The following TBXAS1 variants were observed in gnomAD, a reference collection of about 807,000 sequenced individuals.
TBXAS1 encodes thromboxane A synthase 1.
In TBXAS1, 48 loss-of-function variants were observed where a neutral mutation model predicts 60.7. The ratio of observed to expected loss-of-function variants is 0.79; its 90% CI spans 0.63 to 1.01. The LOEUF is 1.01. Among genes scored for constraint, TBXAS1 ranks in the 50% least tolerant of loss-of-function variants. TBXAS1 has a pLI of 0.00. For missense variants in TBXAS1, 685 were observed against 686.3 expected (o/e 1.00, Z 0.02); for synonymous variants, 287 against 269.7 (o/e 1.06, Z -0.63).
At chr7:139,909,106 T>C (rs1279727161) in intron 3 of TBXAS1, among the ~76,000 whole-genome samples, 1 of 152,240 alleles carries the variant, frequency 6.6e-6, no homozygotes, top group Non-Finnish European at 1.5e-5. Flanking sequence ...TGTTTTTCTT[T>C]CTTTTTTAGT....
rs555238754 is a variant in TBXAS1, at chr7:139,877,540, A to C, written c.236+1903A>C. 2.7e-3 allele frequency among the ~76,000 whole-genome samples: 392 copies of C among 147,262 alleles called. 4 individuals carry two copies. Among genetic ancestry groups the C allele is most frequent in the Non-Finnish European group, 4.7e-3 (316 of 67,006 alleles). Reference sequence around the variant, plus strand: ...TGAGCTCAAGCGATGCTCCTGCCTCAGCCTCCTGGGCAGCTGGGATTACAG... The same window carrying C: ...TGAGCTCAAGCGATGCTCCTGCCTCCGCCTCCTGGGCAGCTGGGATTACAG... On this transcript the variant is annotated intron_variant, in intron 3 of 12. Transcript: ENST00000448866.
At chr7:140,001,221 A>G (rs1036436969) in intron 9 of TBXAS1, among the ~76,000 whole-genome samples, 5 of 152,246 alleles carry the variant, frequency 3.3e-5, no homozygotes, top group African/African-American at 9.6e-5. Context: ...CAGGAGGCAG[A>G]GAGAACCCTG....
At chr7:139,806,771 C>T (rs1255078380) in intron 4 of TBXAS1, among the ~76,000 whole-genome samples, 4 of 152,102 alleles carry the variant, frequency 2.6e-5, no homozygotes, top group Non-Finnish European at 5.9e-5. Flanking sequence ...CATCTGTCTG[C>T]ACCTTGATTC....
rs368337130 is a variant in TBXAS1 at position 139,954,341 on chromosome 7, C to T, written c.539+885C>T. 2.6e-5 allele frequency among the ~76,000 whole-genome samples: 4 copies of T among 152,326 alleles called. No individual in the cohort carries two copies. The East Asian group carries it at 5.8e-4, about 22-fold the overall frequency. ...ATGAGTTGGCTAAAGATAAGGTGGC[C>T]TCATCAGCTATAAAAGCAAAGTAAA... On this transcript the variant is annotated intron_variant, in intron 6 of 12. Coordinates refer to ENST00000448866, the MANE Select transcript of TBXAS1 (RefSeq NM_001061.7).
intron 4 of TBXAS1, among the ~76,000 whole-genome samples, chr7:139,820,608 C>G (rs1169099367): frequency 6.6e-6 from 1 of 152,094 alleles, no homozygotes; most frequent in African/African-American, 2.4e-5. Context: ...TCAAGTCACC[C>G]CACTTCATAA....
At chr7:139,786,849 A>C (rs1167962378) in intron 3 of TBXAS1, among the ~76,000 whole-genome samples, 1 of 152,160 alleles carries the variant, frequency 6.6e-6, no homozygotes, top group African/African-American at 2.4e-5. Flanking sequence ...GAGGTGGTCC[A>C]TTTCCTTTCC....
chr7:139,885,273 T>C (rs1474649223), intron 3 of TBXAS1, among the ~76,000 whole-genome samples: 3 of 152,228 alleles, frequency 2.0e-5, no homozygotes, highest in Non-Finnish European at 4.4e-5. Context: ...TCTGCACAGA[T>C]GTGTTCCCAA....
intron 5 of TBXAS1, among the ~76,000 whole-genome samples, chr7:139,944,477 A>T (rs1222428485): frequency 6.6e-6 from 1 of 152,198 alleles, no homozygotes; most frequent in African/African-American, 2.4e-5. Flanking sequence ...AAATACTTGA[A>T]AGTGAGGGAG....
intron 9 of TBXAS1, among the ~76,000 whole-genome samples, chr7:139,970,350 G>A (rs2117438319): frequency 6.6e-6 from 1 of 152,260 alleles, no homozygotes; most frequent in Non-Finnish European, 1.5e-5. Context: ...CAGGTGATCT[G>A]CCCGCCTCGG....
At chr7:139,881,626 C>T (rs1802708442) in intron 3 of TBXAS1, among the ~76,000 whole-genome samples, 2 of 152,060 alleles carry the variant, frequency 1.3e-5, no homozygotes, top group Non-Finnish European at 2.9e-5. Context: ...TTGGATGTCA[C>T]GTTTGTAGCT....
At position 139,823,358 on chromosome 7, in the gene TBXAS1, A is replaced by G. The variant is rs77087919; in HGVS notation, c.-79-5954A>G. Among the ~76,000 whole-genome samples, 1,116 of 152,072 alleles carry G rather than the reference A, an allele frequency of 7.3e-3. 11 individuals carry two copies. The highest frequency in any genetic ancestry group is 0.025 in the African/African-American group (1,036 of 41,468). ...ACTGCCAGGTCCCCAGTGATTATTC[A>G]ATAAGTGTTTTCTAGAAGAAGGACT... On this transcript the variant is annotated intron_variant, in intron 4 of 16. Coordinates refer to the TBXAS1 transcript ENST00000336425.
At chr7:139,906,062 T>C in intron 3 of TBXAS1, 1 of 395,598 alleles carries the variant, frequency 2.5e-6, no homozygotes, top group Non-Finnish European at 4.9e-6. Flanking sequence ...TGCCAATTAC[T>C]CTAGCATCTT....
chr7:139,934,204 T>C (rs538304914), intron 4 of TBXAS1, among the ~76,000 whole-genome samples: 1 of 152,300 alleles, frequency 6.6e-6, no homozygotes, highest in African/African-American at 2.4e-5. Context: ...TTTGTTTTTT[T>C]TGAGATGAAG....
intron 1 of TBXAS1, among the ~76,000 whole-genome samples, chr7:139,844,301 T>A (rs896185082): frequency 5.3e-5 from 8 of 152,152 alleles, no homozygotes; most frequent in Non-Finnish European, 7.4e-5. Context: ...TCCCCACAGT[T>A]TGAAGCAATG....
intron 9 of TBXAS1, among the ~76,000 whole-genome samples, chr7:140,002,285 G>A (rs796115770): frequency 2.6e-5 from 4 of 152,316 alleles, no homozygotes; most frequent in African/African-American, 9.6e-5. Flanking sequence ...ACCCATCCAA[G>A]GTGCCCGCTG....
At chr7:139,866,669 G>A (rs1231192964) in intron 1 of TBXAS1, among the ~76,000 whole-genome samples, 2 of 151,924 alleles carry the variant, frequency 1.3e-5, no homozygotes, top group African/African-American at 4.8e-5. Flanking sequence ...GAGGTGAGAG[G>A]ATCACTTGAG....
intron 4 of TBXAS1, among the ~76,000 whole-genome samples, chr7:139,921,551 A>T (rs116250229): frequency 0.024 from 3,622 of 152,200 alleles, 123 homozygotes; most frequent in African/African-American, 0.08. Context: ...AAAAATTTTT[A>T]AATTAGCCAG....
rs529126556 is a variant in TBXAS1 at position 139,868,495 on chromosome 7, A to AT, written c.90-3734dup. On this transcript the variant is annotated intron_variant, in intron 1 of 12. Transcript: ENST00000448866. ...TATTTATTTATTTATTTATTTATTC[A>AT]TTTTTTGAGACGGGGTTTTGCTCTG... 7.1e-3 allele frequency among the ~76,000 whole-genome samples: 1,069 copies of AT among 151,440 alleles called. 17 individuals carry two copies. Among genetic ancestry groups the AT allele is most frequent in the African/African-American group, 0.025 (1,044 of 41,236 alleles).
intron 9 of TBXAS1, among the ~76,000 whole-genome samples, chr7:139,964,970 G>T (rs1036582201): frequency 6.6e-6 from 1 of 152,222 alleles, no homozygotes; most frequent in African/African-American, 2.4e-5. Context: ...GCTCATCCCA[G>T]CACTTTGGGA....
Sources: allele counts gnomAD v4.1 joint callset (sites outside exome capture counted in the v4.1 genomes callset), GRCh38; gene constraint gnomAD v4.1.1; transcripts MANE v1.5; gene names NCBI Gene and HGNC (gene_info 2026-07-23, HGNC 2026-07-21).